ESYT2: variants seen among roughly 807,000 people sequenced by gnomAD.
ESYT2 encodes extended synaptotagmin 2, also known as extended synaptotagmin-2.
In ESYT2, 54 loss-of-function variants were observed where a neutral mutation model predicts 107.2. That is an observed-to-expected ratio of 0.50 (90% CI 0.40 to 0.63). The LOEUF is 0.63. Ranked by LOEUF, ESYT2 falls within the 30% of genes least tolerant of loss-of-function variation. ESYT2 has a pLI of 0.00. For missense variants in ESYT2, 1,020 were observed against 1,094.5 expected (o/e 0.93, Z 0.96); for synonymous variants, 491 against 434.1 (o/e 1.13, Z -1.63).
Position 158,735,615 on chromosome 7 carries a change from T to C in ESYT2, c.2400-7A>G, listed in dbSNP as rs1469841675. 2 of 1,610,050 alleles carry C rather than the reference T, an allele frequency of 1.2e-6. No homozygotes were observed. Among genetic ancestry groups the C allele is most frequent in the African/African-American group, 1.3e-5 (1 of 74,828 alleles). ...CGAAACACTGAAATCAAAGCTGAAATAGGAAACGAGAGCCTTACTTTATCC... is the reference window on the plus strand; with the variant it reads ...CGAAACACTGAAATCAAAGCTGAAACAGGAAACGAGAGCCTTACTTTATCC... On this transcript the variant is annotated splice_region_variant and splice_polypyrimidine_tract_variant and intron_variant, in intron 20 of 22. Coordinates refer to ENST00000275418, the MANE Select transcript of ESYT2 (RefSeq NM_001367773.1).
intron 7 of ESYT2, 133 bp downstream of exon 7, chr7:158,773,208 G>A (rs1838435987): frequency 1.5e-5 from 15 of 971,620 alleles, no homozygotes; most frequent in East Asian, 4.9e-5. Context: ...TGTTTCTCAC[G>A]ACAGCCTGTG....
chr7:158,768,557 T>G (rs548206994), intron 7 of ESYT2, among the ~76,000 whole-genome samples: 1 of 152,298 alleles, frequency 6.6e-6, no homozygotes, highest in South Asian at 2.1e-4. Flanking sequence ...GTAGCTGGGA[T>G]TACAGGCGCG....
At chr7:158,749,280 G>A (rs1031583851) in intron 15 of ESYT2, among the ~76,000 whole-genome samples, 20 of 152,004 alleles carry the variant, frequency 1.3e-4, no homozygotes, top group Middle Eastern at 3.4e-3. Flanking sequence ...CACCATGCCC[G>A]ACTAAGTTTT....
intron 3 of ESYT2, among the ~76,000 whole-genome samples, chr7:158,794,203 G>C (rs1442116127): frequency 2.6e-5 from 4 of 152,092 alleles, no homozygotes; most frequent in Non-Finnish European, 4.4e-5. Flanking sequence ...CATTTCTTAA[G>C]ACTTTCACGC....
At chr7:158,821,781 C>T (rs533453094) in intron 1 of ESYT2, among the ~76,000 whole-genome samples, 46 of 152,326 alleles carry the variant, frequency 3.0e-4, no homozygotes, top group African/African-American at 1.0e-3. Flanking sequence ...ATGCATTTCC[C>T]TCCAGATGAG....
rs1163959311 is a variant in ESYT2 at position 158,749,714 on chromosome 7, T to C, written c.1492A>G (p.Lys498Glu). Residue 498 changes from lysine (K) to glutamate (E), a missense_variant, in exon 15 of 23, where the codon AAA becomes GAA. Lys to Glu is a moderately conservative substitution (Grantham distance 56, BLOSUM62 1). Transcript: ENST00000275418. ...AVQRALKSGK[K>E]ISSNPNPVVQ... ...ACAGGATTTGGGTTGCTGCTTATTTTCTTCCCTGACTACCCAAAACAAACA... is the reference window on the plus strand; with the variant it reads ...ACAGGATTTGGGTTGCTGCTTATTTCCTTCCCTGACTACCCAAAACAAACA... 1 of 1,613,890 alleles carries C rather than the reference T, an allele frequency of 6.2e-7. No homozygotes were observed. Among genetic ancestry groups the C allele is most frequent in the East Asian group, 2.2e-5 (1 of 44,876 alleles).
chr7:158,735,370 G>A (rs1234559554), intron 21 of ESYT2, 133 bp downstream of exon 21: 4 of 673,896 alleles, frequency 5.9e-6, no homozygotes, highest in African/African-American at 3.6e-5. Flanking sequence ...TATAGCCCAT[G>A]ATTTATAAAC....
At chr7:158,762,941 A>C (rs932706120) in intron 10 of ESYT2, 142 bp downstream of exon 10, 1 of 523,544 alleles carries the variant, frequency 1.9e-6, no homozygotes, top group African/African-American at 1.9e-5. Flanking sequence ...AAGAAATCCA[A>C]GGTGAAACAA....
intron 14 of ESYT2, 136 bp downstream of exon 14, chr7:158,752,645 A>T (rs1462532212): frequency 7.0e-6 from 3 of 431,278 alleles, no homozygotes; most frequent in Non-Finnish European, 1.2e-5. Context: ...GGATAACAAA[A>T]GTAGGGTCTC....
At chr7:158,734,954 A>G (rs1401225923) in intron 21 of ESYT2, among the ~76,000 whole-genome samples, 4 of 152,228 alleles carry the variant, frequency 2.6e-5, no homozygotes, top group African/African-American at 4.8e-5. Context: ...CCTGTAAGCT[A>G]CATCGCTGAA....
intron 16 of ESYT2, among the ~76,000 whole-genome samples, chr7:158,747,174 C>A (rs931053412): frequency 6.6e-6 from 1 of 151,822 alleles, no homozygotes; most frequent in Non-Finnish European, 1.5e-5. Flanking sequence ...TGGTGAAACC[C>A]CGTCTCCACT....
chr7:158,785,734 G>A (rs964752746), intron 6 of ESYT2, among the ~76,000 whole-genome samples: 1 of 152,134 alleles, frequency 6.6e-6, no homozygotes, highest in African/African-American at 2.4e-5. Flanking sequence ...CAACACACAC[G>A]TCTATCACTT....
chr7:158,788,502 A>G, intron 4 of ESYT2, 85 bp from the exon 5 acceptor site: 1 of 1,170,894 alleles, frequency 8.5e-7, no homozygotes. Flanking sequence ...TATAATCTGA[A>G]TAAAATGATA....
At chr7:158,828,445 C>T (rs929539873) in intron 1 of ESYT2, among the ~76,000 whole-genome samples, 3 of 152,186 alleles carry the variant, frequency 2.0e-5, no homozygotes, top group African/African-American at 4.8e-5. Context: ...GCGCGCGCTC[C>T]GGGCAGGGCC....
At chr7:158,806,904 G>C (rs994287041) in intron 1 of ESYT2, among the ~76,000 whole-genome samples, 1 of 152,098 alleles carries the variant, frequency 6.6e-6, no homozygotes, top group Non-Finnish European at 1.5e-5. Flanking sequence ...GTTTTGACTG[G>C]AATGGATTAA....
At chr7:158,736,945 C>T in intron 20 of ESYT2, 103 bp downstream of exon 20, 1 of 1,477,078 alleles carries the variant, frequency 6.8e-7, no homozygotes. Context: ...AACTTCTCAA[C>T]AGCTGATTTA....
chr7:158,827,186 AAAAG>A (rs1840483159), intron 1 of ESYT2, among the ~76,000 whole-genome samples: 1 of 151,810 alleles, frequency 6.6e-6, no homozygotes, highest in Non-Finnish European at 1.5e-5. Context: ...AAAGAAAAGA[AAAAG>A]AAAATCTGTG....
intron 6 of ESYT2, among the ~76,000 whole-genome samples, chr7:158,784,558 G>T (rs543323722): frequency 6.6e-6 from 1 of 152,354 alleles, no homozygotes; most frequent in African/African-American, 2.4e-5. Flanking sequence ...TAGTCTCAGA[G>T]GGAGAGGAAA....
chr7:158,757,355 C>A (rs1033437241), intron 13 of ESYT2, among the ~76,000 whole-genome samples: 1 of 152,190 alleles, frequency 6.6e-6, no homozygotes, highest in Non-Finnish European at 1.5e-5. Context: ...TAGACTGAGG[C>A]GGTATTTTCA....
Sources: gnomAD v4.1 joint callset for allele counts (sites outside exome capture counted in the v4.1 genomes callset) on GRCh38, gnomAD v4.1.1 for gene constraint, MANE v1.5 for transcripts, NCBI Gene and HGNC (gene_info 2026-07-23, HGNC 2026-07-21) for gene names.